GRIN2B: variants seen among roughly 807,000 people sequenced by gnomAD.
GRIN2B encodes the protein glutamate receptor ionotropic, NMDA 2B.
GRIN2B carries 5 observed loss-of-function variants against 114.5 expected under a neutral mutation model. That is an observed-to-expected ratio of 0.04 (90% CI 0.02 to 0.09). GRIN2B has a LOEUF of 0.09. Ranked by LOEUF, GRIN2B falls within the 10% of genes least tolerant of loss-of-function variation. The probability of loss-of-function intolerance (pLI) is 1.00; values close to 1 mark genes in which losing one functional copy is unlikely to be tolerated. For synonymous variants in GRIN2B, 787 were observed against 745.1 expected, an observed-to-expected ratio of 1.06 and a Z score of -0.92; for missense variants, 1,108 against 1,943.5, an observed-to-expected ratio of 0.57 and a Z score of 8.08.
At chr12:13,588,173 G>A (rs1312479022) in intron 10 of GRIN2B, among the ~76,000 whole-genome samples, 1 of 152,206 alleles carries the variant, frequency 6.6e-6, no homozygotes, top group African/African-American at 2.4e-5. Context: ...GGATTACAGA[G>A]AAGGTAGCCT....
chr12:13,843,250 C>T (rs1343412123), intron 3 of GRIN2B, among the ~76,000 whole-genome samples: 1 of 151,612 alleles, frequency 6.6e-6, no homozygotes, highest in Admixed American at 6.6e-5. Flanking sequence ...CACACTCGCA[C>T]AGACACACAC....
At chr12:13,887,857 C>T (rs537926017) in intron 2 of GRIN2B, among the ~76,000 whole-genome samples, 10 of 152,168 alleles carry the variant, frequency 6.6e-5, no homozygotes, top group Non-Finnish European at 1.5e-4. Flanking sequence ...TTACATAGTG[C>T]TTGCCCTCTA....
At chr12:13,954,811 G>GAAAAAAAAAAAAAAAAAAAGAAAAAA (rs61525874) in intron 2 of GRIN2B, among the ~76,000 whole-genome samples, 1 of 25,552 alleles carries the variant, frequency 3.9e-5, no homozygotes, top group African/African-American at 1.1e-4. Context: ...TCCGTCTCAG[G>GAAAAAAAAAAAAAAAAAAAGAAAAAA]AAAAAAAAAA....
At chr12:13,851,733 T>C (rs1268902038) in intron 3 of GRIN2B, among the ~76,000 whole-genome samples, 2 of 152,236 alleles carry the variant, frequency 1.3e-5, no homozygotes, top group Non-Finnish European at 2.9e-5. Context: ...CACCATCCTC[T>C]CAGCTCATTA....
chr12:13,882,784 T>C (rs1055788184), intron 2 of GRIN2B, among the ~76,000 whole-genome samples: 1 of 152,256 alleles, frequency 6.6e-6, no homozygotes, highest in African/African-American at 2.4e-5. Context: ...ACAATTTGCA[T>C]ACATTAAAAT....
chr12:13,945,936 A>G (rs1867355640), intron 2 of GRIN2B, among the ~76,000 whole-genome samples: 1 of 152,210 alleles, frequency 6.6e-6, no homozygotes, highest in African/African-American at 2.4e-5. Flanking sequence ...ACAACAGTGC[A>G]TATTATAACA....
chr12:13,568,356 T>C (rs1382070197), intron 12 of GRIN2B, among the ~76,000 whole-genome samples: 1 of 152,178 alleles, frequency 6.6e-6, no homozygotes, highest in African/African-American at 2.4e-5. Context: ...GGCTAAAAAA[T>C]TGAACTTTGC....
At chr12:13,771,122 G>C (rs1448547256) in intron 3 of GRIN2B, among the ~76,000 whole-genome samples, 3 of 152,080 alleles carry the variant, frequency 2.0e-5, no homozygotes, top group African/African-American at 7.2e-5. Flanking sequence ...TTCCTGTGCT[G>C]GTCTTGTGAT....
At chr12:13,786,237 G>A (rs1012648744) in intron 3 of GRIN2B, among the ~76,000 whole-genome samples, 1 of 152,184 alleles carries the variant, frequency 6.6e-6, no homozygotes, top group African/African-American at 2.4e-5. Flanking sequence ...CCCAAGGCTA[G>A]AGGGAGAAAT....
rs552066642 is a variant in GRIN2B at position 13,751,562 on chromosome 12, G to A, written c.1010+1755C>T. 7.5e-4 allele frequency among the ~76,000 whole-genome samples: 114 copies of A among 152,244 alleles called. 1 individual carries two copies. The South Asian group carries it at 0.023, about 31-fold the overall frequency. The stretch of plus-strand genomic sequence containing the variant: ...AGGGATGTGGAACCAAGGGCATCTA[G>A]GAAATTTTTATTTTAGGTAACTTTG... On this transcript the variant is annotated intron_variant, in intron 4 of 13. Transcript: ENST00000609686.
At chr12:13,971,676 G>A (rs1168409353) in intron 2 of GRIN2B, among the ~76,000 whole-genome samples, 1 of 152,134 alleles carries the variant, frequency 6.6e-6, no homozygotes, top group African/African-American at 2.4e-5. Context: ...ACAAAGGACC[G>A]AAATGAGGTT....
intron 2 of GRIN2B, among the ~76,000 whole-genome samples, chr12:13,912,279 C>CAG (rs1189943289): frequency 2.0e-5 from 3 of 151,638 alleles, no homozygotes; most frequent in Non-Finnish European, 2.9e-5. Context: ...AGAGAATCAG[C>CAG]AGAGAGAGAG....
intron 2 of GRIN2B, among the ~76,000 whole-genome samples, chr12:13,867,430 C>T (rs775555719): frequency 2.0e-4 from 30 of 152,104 alleles, no homozygotes; most frequent in Non-Finnish European, 3.7e-4. Flanking sequence ...CTGCTTATGT[C>T]GCTTTATTTT....
In GRIN2B at chr12:13,797,706, G is replaced by T. The variant is rs117839115; in HGVS notation, c.412-43791C>A. On this transcript the variant is annotated intron_variant, in intron 3 of 13. Coordinates refer to ENST00000609686, the MANE Select transcript of GRIN2B (RefSeq NM_000834.5). ...CAGCAAGAGTTTCATGATCTATGAG[G>T]TGGAGGTAATATTCTTGTTTGATGG... Among the ~76,000 whole-genome samples the T allele has an allele frequency of 9.6e-4, 146 of 152,276 alleles. 2 individuals are homozygous for T. The East Asian group carries it at 0.025, about 26-fold the overall frequency.
intron 10 of GRIN2B, among the ~76,000 whole-genome samples, chr12:13,606,964 A>G (rs1382666506): frequency 6.6e-6 from 1 of 150,884 alleles, no homozygotes; most frequent in Non-Finnish European, 1.5e-5. Flanking sequence ...AAAGGAAGAC[A>G]AATCAGAGAA....
chr12:13,711,250 T>C (rs1269005823), intron 4 of GRIN2B, among the ~76,000 whole-genome samples: 1 of 151,848 alleles, frequency 6.6e-6, no homozygotes, highest in African/African-American at 2.4e-5. Flanking sequence ...AAGACTTACA[T>C]GTTAGACCTA....
intron 3 of GRIN2B, among the ~76,000 whole-genome samples, chr12:13,781,963 T>G (rs183872662): frequency 3.3e-5 from 5 of 152,310 alleles, no homozygotes; most frequent in Admixed American, 2.6e-4. Context: ...CTGTCTGACA[T>G]GATAACATGA....
At chr12:13,845,975 T>C (rs761162197) in intron 3 of GRIN2B, among the ~76,000 whole-genome samples, 3 of 152,202 alleles carry the variant, frequency 2.0e-5, no homozygotes, top group Admixed American at 6.5e-5. Flanking sequence ...CTGAACCCTG[T>C]GCATTTTTGA....
intron 10 of GRIN2B, among the ~76,000 whole-genome samples, chr12:13,605,551 T>TCTCTCTCTCTCTCTCTCACACA: frequency 3.3e-5 from 1 of 30,446 alleles, no homozygotes; most frequent in African/African-American, 1.0e-4. Flanking sequence ...TCTCTCTCTC[T>TCTCTCTCTCTCTCTCTCACACA]GACACACACA....
Sources: gnomAD v4.1 joint callset for allele counts (sites outside exome capture counted in the v4.1 genomes callset) on GRCh38, gnomAD v4.1.1 for gene constraint, MANE v1.5 for transcripts, NCBI Gene and HGNC (gene_info 2026-07-23, HGNC 2026-07-21) for gene names.